EPB41L5: variants seen among roughly 807,000 people sequenced by gnomAD.
The protein encoded by EPB41L5 is erythrocyte membrane protein band 4.1 like 5.
EPB41L5 carries 55 observed loss-of-function variants against 106.6 expected under a neutral mutation model. That is an observed-to-expected ratio of 0.52 (90% CI 0.42 to 0.65). EPB41L5 has a LOEUF of 0.65. Among genes scored for constraint, EPB41L5 ranks in the 30% least tolerant of loss-of-function variants. EPB41L5 has a pLI of 0.00. For missense variants in EPB41L5, 871 were observed against 882.1 expected (o/e 0.99, Z 0.16); for synonymous variants, 297 against 306.7 (o/e 0.97, Z 0.33).
At chr2:120,081,096 G>A (rs1682624174) in intron 10 of EPB41L5, among the ~76,000 whole-genome samples, 2 of 152,154 alleles carry the variant, frequency 1.3e-5, no homozygotes, top group Admixed American at 1.3e-4. Context: ...TTGCTGTGCA[G>A]AAGCTCTTTA....
intron 1 of EPB41L5, among the ~76,000 whole-genome samples, chr2:120,018,258 C>T (rs1233234594): frequency 6.6e-6 from 1 of 152,070 alleles, no homozygotes; most frequent in Non-Finnish European, 1.5e-5. Context: ...TGAGCCACCG[C>T]GCCCGGCCAC....
At chr2:120,061,523 T>C (rs2105283556) in intron 3 of EPB41L5, among the ~76,000 whole-genome samples, 1 of 150,056 alleles carries the variant, frequency 6.7e-6, no homozygotes, top group East Asian at 1.9e-4. Context: ...GCGCCCGGCC[T>C]TTTTTTTTAA....
rs758877692 is a variant in EPB41L5 at position 120,115,068 on chromosome 2, G to A, written c.1338-12620G>A. 2.0e-4 allele frequency among the ~76,000 whole-genome samples: 30 copies of A among 152,058 alleles called. 1 individual carries two copies. The highest frequency in any genetic ancestry group is 3.2e-3 in the Middle Eastern group (1 of 316). ...TTACAGTTTCTTTTGCTTGATGTTA[G>A]TATAGCCACTTCATCCCTTTTTTCG... is the stretch of plus-strand genomic sequence containing the variant. On this transcript the variant is annotated intron_variant, in intron 16 of 24. Coordinates refer to ENST00000263713, the MANE Select transcript of EPB41L5 (RefSeq NM_020909.4).
Position 120,058,163 on chromosome 2 carries a change from G to T in EPB41L5, c.286-15015G>T, listed in dbSNP as rs559897048. 7.2e-5 allele frequency among the ~76,000 whole-genome samples: 11 copies of T among 152,124 alleles called. No individual in the cohort carries two copies. The South Asian group carries it at 1.9e-3, about 26-fold the overall frequency. On this transcript the variant is annotated intron_variant, in intron 3 of 24. Transcript: ENST00000263713. The stretch of plus-strand genomic sequence containing the variant: ...TCTTGCTACATACTTGTTATGTTTT[G>T]TATTTTCCTTCATTTTATTTTATTT...
chr2:120,142,855 A>T, intron 18 of EPB41L5, 148 bp from the exon 19 acceptor site: 1 of 673,552 alleles, frequency 1.5e-6, no homozygotes, highest in Non-Finnish European at 2.4e-6. Flanking sequence ...GATGACTTTA[A>T]GAATTGCTTA....
intron 16 of EPB41L5, among the ~76,000 whole-genome samples, chr2:120,124,989 G>T (rs1183156368): frequency 6.6e-6 from 1 of 152,074 alleles, no homozygotes; most frequent in African/African-American, 2.4e-5. Flanking sequence ...AGACCGAATG[G>T]ATTTCTTATT....
At chr2:120,037,416 A>G (rs1679109331) in intron 2 of EPB41L5, among the ~76,000 whole-genome samples, 1 of 152,222 alleles carries the variant, frequency 6.6e-6, no homozygotes, top group Non-Finnish European at 1.5e-5. Flanking sequence ...CCATTCTAAA[A>G]TCCATATGGA....
intron 3 of EPB41L5, among the ~76,000 whole-genome samples, chr2:120,048,359 G>A (rs565887344): frequency 5.9e-5 from 9 of 152,184 alleles, no homozygotes; most frequent in African/African-American, 2.2e-4. Context: ...ATCTATTCAG[G>A]GATTCAGCTT....
intron 3 of EPB41L5, among the ~76,000 whole-genome samples, chr2:120,070,017 C>T (rs1184688883): frequency 6.6e-6 from 1 of 152,060 alleles, no homozygotes; most frequent in African/African-American, 2.4e-5. Flanking sequence ...ATCAATGAAT[C>T]CAGGAGCTGA....
intron 10 of EPB41L5, among the ~76,000 whole-genome samples, chr2:120,080,342 C>G (rs1344766908): frequency 6.6e-6 from 1 of 151,890 alleles, no homozygotes; most frequent in Non-Finnish European, 1.5e-5. Context: ...CCACCGACGA[C>G]TGAGAACATG....
At chr2:120,093,377 T>C (rs1394833913) in intron 14 of EPB41L5, 101 bp downstream of exon 14, 3 of 944,604 alleles carry the variant, frequency 3.2e-6, no homozygotes, top group East Asian at 4.8e-5. Context: ...TGTCAAGTTG[T>C]CCGTAAAGCA....
chr2:120,019,110 T>A lies in EPB41L5; in HGVS notation c.26T>A (p.Leu9Gln). Residue 9 changes from leucine (L) to glutamine (Q), a missense_variant, in exon 2 of 25, where the codon CTA (leucine) becomes CAA (glutamine). Coordinates refer to ENST00000263713, the MANE Select transcript of EPB41L5 (RefSeq NM_020909.4). Reference protein sequence around the residue: MLSFFRRTLGRRSMRKHAE... With the variant: MLSFFRRTQGRRSMRKHAE... ...ATGCTGAGTTTCTTCCGTAGAACAC[T>A]AGGGCGTCGGTCTATGCGTAAACAT... 1 of 1,611,048 alleles carries A rather than the reference T, an allele frequency of 6.2e-7. No individual in the cohort carries two copies. The highest frequency in any genetic ancestry group is 8.5e-7 in the Non-Finnish European group (1 of 1,179,404).
chr2:120,061,171 G>C (rs1681032886), intron 3 of EPB41L5, among the ~76,000 whole-genome samples: 1 of 148,864 alleles, frequency 6.7e-6, no homozygotes, highest in African/African-American at 2.5e-5. Flanking sequence ...CCCTCGAGTA[G>C]CCAGGACTAC....
chr2:120,049,676 AT>A (rs1348055062), intron 3 of EPB41L5, among the ~76,000 whole-genome samples: 1 of 152,128 alleles, frequency 6.6e-6, no homozygotes, highest in African/African-American at 2.4e-5. Flanking sequence ...TAAGGTTAAT[AT>A]TGCCATGTGT....
chr2:120,151,244 G>A (rs1438406140), intron 20 of EPB41L5, among the ~76,000 whole-genome samples: 2 of 151,906 alleles, frequency 1.3e-5, no homozygotes, highest in African/African-American at 4.8e-5. Flanking sequence ...AGCTTGCAGT[G>A]AGCCGAGATC....
chr2:120,085,799 C>T (rs1574630660), intron 10 of EPB41L5, among the ~76,000 whole-genome samples: 1 of 152,124 alleles, frequency 6.6e-6, no homozygotes, highest in East Asian at 1.9e-4. Context: ...GTCCTGTGGG[C>T]AAATGTAACA....
In EPB41L5 at chr2:120,124,791, G is replaced by A. The variant is rs534879351; in HGVS notation, c.1338-2897G>A. Among the ~76,000 whole-genome samples the A allele has an allele frequency of 1.4e-4, 21 of 151,420 alleles. No individual in the cohort carries two copies. In the South Asian group the frequency reaches 2.1e-3, roughly 15 times the overall value. ...GCCTATTTTTTTTACCTTTCATAAC[G>A]TTTGACTTTTTTTTAAAGGAGTCTA... On this transcript the variant is annotated intron_variant, in intron 16 of 24. Coordinates refer to ENST00000263713, the MANE Select transcript of EPB41L5 (RefSeq NM_020909.4).
At chr2:120,046,276 G>C (rs1273275197) in intron 3 of EPB41L5, among the ~76,000 whole-genome samples, 2 of 152,172 alleles carry the variant, frequency 1.3e-5, no homozygotes, top group African/African-American at 4.8e-5. Context: ...CCCACCAACA[G>C]TGTAAAATTG....
rs370740968 is a variant in EPB41L5 at position 120,146,090 on chromosome 2, A to T, written c.1729-135A>T. 7 of 593,510 alleles carry T rather than the reference A, an allele frequency of 1.2e-5. No individual in the cohort carries two copies. In the East Asian group the frequency reaches 1.2e-4, roughly 10 times the overall value. 36.8% of individuals were successfully genotyped at this position (593,510 alleles called of 1,614,324 possible). On this transcript the variant is annotated intron_variant, in intron 19 of 24. Coordinates refer to ENST00000263713, the MANE Select transcript of EPB41L5 (RefSeq NM_020909.4). ...CTAGGTACACTGCTGGTATTTCCAT[A>T]GATAAGGTATGATTACCTCTTATTT...
Sources: allele counts gnomAD v4.1 joint callset (sites outside exome capture counted in the v4.1 genomes callset), GRCh38; gene constraint gnomAD v4.1.1; transcripts MANE v1.5; gene names NCBI Gene and HGNC (gene_info 2026-07-23, HGNC 2026-07-21).